The following SYNJ1 variants were observed in gnomAD, a reference collection of about 807,000 sequenced individuals.
The protein encoded by SYNJ1 is polyphosphatidylinositol phosphatase SYNJ1.
Under a neutral mutation model 168.2 loss-of-function variants are expected in SYNJ1, and 78 were observed. That is an observed-to-expected ratio of 0.46 (90% CI 0.39 to 0.56). SYNJ1 has a LOEUF of 0.56. Ranked by LOEUF, SYNJ1 falls within the 20% of genes least tolerant of loss-of-function variation. The probability of loss-of-function intolerance (pLI) is 0.00; values close to 1 mark genes in which losing one functional copy is unlikely to be tolerated. For synonymous variants in SYNJ1, 539 were observed against 548.6 expected, an observed-to-expected ratio of 0.98 and a Z score of 0.24; for missense variants, 1,303 against 1,597.6, an observed-to-expected ratio of 0.82 and a Z score of 3.14.
intron 1 of SYNJ1, among the ~76,000 whole-genome samples, chr21:32,727,430 C>G (rs2043513397): frequency 6.6e-6 from 1 of 152,240 alleles, no homozygotes; most frequent in African/African-American, 2.4e-5. Context: ...CCGGGGGTGG[C>G]GATGAAGGGC....
chr21:32,709,346 G>A (rs892466739), intron 2 of SYNJ1, among the ~76,000 whole-genome samples: 1 of 151,798 alleles, frequency 6.6e-6, no homozygotes, highest in Non-Finnish European at 1.5e-5. Context: ...GCGTGGTGGC[G>A]CACAACTGTA....
intron 32 of SYNJ1, among the ~76,000 whole-genome samples, chr21:32,632,264 T>C (rs2039361870): frequency 1.3e-5 from 2 of 152,260 alleles, no homozygotes; most frequent in African/African-American, 4.8e-5. Context: ...TTAATGTTAC[T>C]ATGGAAATTC....
intron 18 of SYNJ1, among the ~76,000 whole-genome samples, chr21:32,662,412 A>G (rs544409403): frequency 6.6e-6 from 1 of 152,204 alleles, no homozygotes; most frequent in African/African-American, 2.4e-5. Context: ...GAACTTTAAA[A>G]GGAACGTGTT....
chr21:32,705,025 T>C (rs931761016), intron 2 of SYNJ1, among the ~76,000 whole-genome samples: 2 of 151,840 alleles, frequency 1.3e-5, no homozygotes, highest in African/African-American at 4.8e-5. Context: ...GGCAGGCACA[T>C]GTAGTCCCAG....
chr21:32,724,483 G>T (rs372795865), intron 2 of SYNJ1, among the ~76,000 whole-genome samples: 2 of 152,158 alleles, frequency 1.3e-5, no homozygotes, highest in African/African-American at 4.8e-5. Flanking sequence ...GTGAGACCCT[G>T]TCTCAAAAAA....
chr21:32,704,399 T>C (rs1216362551), intron 2 of SYNJ1, among the ~76,000 whole-genome samples: 1 of 152,232 alleles, frequency 6.6e-6, no homozygotes, highest in Non-Finnish European at 1.5e-5. Flanking sequence ...TAAATACATT[T>C]GTATCTGAAG....
intron 18 of SYNJ1, 29 bp downstream of exon 18, chr21:32,664,884 T>G (rs1312804264): frequency 6.6e-7 from 1 of 1,519,816 alleles, no homozygotes; most frequent in East Asian, 2.3e-5. Flanking sequence ...AAAATCTTAA[T>G]GCAAGTATTT....
chr21:32,722,200 A>AT (rs1569138897), intron 2 of SYNJ1, among the ~76,000 whole-genome samples: 6 of 114,394 alleles, frequency 5.2e-5, no homozygotes, highest in Non-Finnish European at 1.1e-4. Flanking sequence ...AAAAAAAAAA[A>AT]AAAAAATATA....
chr21:32,682,140 T>C (rs1216349886), intron 10 of SYNJ1, among the ~76,000 whole-genome samples: 1 of 152,194 alleles, frequency 6.6e-6, no homozygotes, highest in Non-Finnish European at 1.5e-5. Context: ...AATGAAGTCA[T>C]GACAGCTTTT....
At chr21:32,640,626 T>C (rs1413612698) in intron 29 of SYNJ1, among the ~76,000 whole-genome samples, 1 of 152,058 alleles carries the variant, frequency 6.6e-6, no homozygotes, top group Non-Finnish European at 1.5e-5. Flanking sequence ...GGGGTCTTGC[T>C]ATGTTGCTCC....
intron 4 of SYNJ1, among the ~76,000 whole-genome samples, chr21:32,695,839 T>C (rs552986228): frequency 1.9e-4 from 29 of 149,898 alleles, no homozygotes; most frequent in African/African-American, 7.1e-4. Context: ...ATTTTTTGTT[T>C]TGTTTTGTTT....
chr21:32,681,079 C>T (rs1381307962), intron 11 of SYNJ1, among the ~76,000 whole-genome samples: 3 of 152,154 alleles, frequency 2.0e-5, no homozygotes, highest in Admixed American at 6.5e-5. Flanking sequence ...TAACAGTAGG[C>T]ACTGTGTTAA....
At chr21:32,697,873 C>G (rs1382409340) in intron 4 of SYNJ1, among the ~76,000 whole-genome samples, 1 of 152,184 alleles carries the variant, frequency 6.6e-6, no homozygotes, top group African/African-American at 2.4e-5. Flanking sequence ...TCTGCTTGGA[C>G]TTCTAATTGT....
In SYNJ1 at chr21:32,700,119, A is replaced by G; in HGVS notation, c.212-14T>C. The G allele has an allele frequency of 6.4e-7, 1 of 1,573,700 alleles. No homozygotes were observed. Among genetic ancestry groups the G allele is most frequent in the Non-Finnish European group, 8.6e-7 (1 of 1,160,038 alleles). ...ACATAGTATCACCTGCAAAACCCAAAGATTTTACTGGATGAAAAATCCCAA... is the reference window on the plus strand; with the variant it reads ...ACATAGTATCACCTGCAAAACCCAAGGATTTTACTGGATGAAAAATCCCAA... On this transcript the variant is annotated splice_polypyrimidine_tract_variant and intron_variant, in intron 3 of 32. Coordinates refer to ENST00000674351, the MANE Select transcript of SYNJ1 (RefSeq NM_203446.3).
intron 4 of SYNJ1, among the ~76,000 whole-genome samples, chr21:32,695,992 GC>G (rs1569106268): frequency 6.6e-6 from 1 of 151,926 alleles, no homozygotes; most frequent in African/African-American, 2.4e-5. Context: ...GACCACAGGC[GC>G]CCACCACCAT....
chr21:32,713,866 C>T (rs1003566271), intron 2 of SYNJ1, among the ~76,000 whole-genome samples: 1 of 152,128 alleles, frequency 6.6e-6, no homozygotes, highest in African/African-American at 2.4e-5. Context: ...AGCTGAAAAA[C>T]ACTTAAAACT....
At chr21:32,685,425 C>CAA (rs57470866) in intron 9 of SYNJ1, among the ~76,000 whole-genome samples, 6,382 of 66,916 alleles carry the variant, frequency 0.095, 475 homozygotes, top group African/African-American at 0.18. Flanking sequence ...CCGTCTCTAC[C>CAA]AAAAAAAAAA....
chr21:32,700,954 A>G (rs927851764), intron 3 of SYNJ1, among the ~76,000 whole-genome samples: 19 of 152,244 alleles, frequency 1.2e-4, no homozygotes, highest in Non-Finnish European at 2.2e-4. Context: ...AGCCTATGAA[A>G]TTAGTATAAA....
chr21:32,638,942 T>C lies in SYNJ1; in HGVS notation c.3881A>G (p.His1294Arg), dbSNP rs1335077045. 1.9e-6 allele frequency: 3 copies of C among 1,612,482 alleles called. No homozygotes were observed. The highest frequency in any genetic ancestry group is 8.5e-7 in the Non-Finnish European group (1 of 1,178,948). The change falls in exon 31 of 33, where the codon CAT becomes CGT. Residue 1294 changes from histidine to arginine, a missense_variant. Physicochemically the swap from His to Arg is conservative, Grantham distance 29 (BLOSUM62 0). Around this residue, in one of 2 missense-constraint regions of SYNJ1, gnomAD observed 383 missense variants for 388.8 expected, o/e 0.99. Coordinates refer to ENST00000674351, the MANE Select transcript of SYNJ1 (RefSeq NM_203446.3). ...PQPPPRSRSS[H>R]SLPSEASSQP... ...TGAGGAAGCTTCTGAAGGCAAGCTA[T>C]GGGATGACCTGCTTCGAGGTGGTGG...
Sources: gnomAD v4.1 joint callset for allele counts (sites outside exome capture counted in the v4.1 genomes callset) on GRCh38, gnomAD v4.1.1 for gene constraint, gnomAD v4.1.1 regional missense constraint, MANE v1.5 for transcripts, NCBI Gene and HGNC (gene_info 2026-07-23, HGNC 2026-07-21) for gene names.